ZNF385D: variants seen among roughly 807,000 people sequenced by gnomAD.
ZNF385D encodes the protein zinc finger protein 659.
ZNF385D carries 15 observed loss-of-function variants against 35.8 expected under a neutral mutation model. The observed-to-expected ratio is 0.42, with a 90% confidence interval of 0.28 to 0.64. The LOEUF is 0.64. Ranked by LOEUF, ZNF385D falls within the 30% of genes least tolerant of loss-of-function variation. The pLI, the probability that ZNF385D is intolerant of heterozygous loss-of-function variation, is 0.23. For missense variants in ZNF385D, 474 were observed against 494.6 expected (o/e 0.96, Z 0.39); for synonymous variants, 212 against 186.8 (o/e 1.13, Z -1.10).
chr3:22,136,527 AG>A (rs1360211288), intron 3 of ZNF385D, among the ~76,000 whole-genome samples: 1 of 152,218 alleles, frequency 6.6e-6, no homozygotes, highest in Non-Finnish European at 1.5e-5. Context: ...ATCCATTTTC[AG>A]AATATATAAA....
intron 3 of ZNF385D, among the ~76,000 whole-genome samples, chr3:21,823,681 T>C (rs1260182572): frequency 2.6e-5 from 4 of 152,074 alleles, no homozygotes; most frequent in Non-Finnish European, 2.9e-5. Flanking sequence ...CAAAATTCAA[T>C]AGCAGTATCA....
At chr3:21,835,639 C>G (rs372519818) in intron 3 of ZNF385D, among the ~76,000 whole-genome samples, 4 of 151,870 alleles carry the variant, frequency 2.6e-5, no homozygotes, top group African/African-American at 9.7e-5. Context: ...GGCATGTAGC[C>G]TAAAAGAGGG....
chr3:21,854,631 T>G (rs772115408), intron 3 of ZNF385D, among the ~76,000 whole-genome samples: 1 of 151,926 alleles, frequency 6.6e-6, no homozygotes, highest in African/African-American at 2.4e-5. Flanking sequence ...GCAGCATCTT[T>G]TTGTTGTTGT....
chr3:22,189,300 T>C (rs559013643), intron 2 of ZNF385D, among the ~76,000 whole-genome samples: 2 of 152,238 alleles, frequency 1.3e-5, no homozygotes, highest in South Asian at 2.1e-4. Flanking sequence ...ATGGCATAGA[T>C]AGGAACCATA....
intron 2 of ZNF385D, among the ~76,000 whole-genome samples, chr3:21,590,280 C>A (rs73137035): frequency 0.029 from 4,407 of 152,150 alleles, 145 homozygotes; most frequent in African/African-American, 0.075. Context: ...TATGCTATTT[C>A]ATAATAAAAC....
chr3:21,474,341 A>G (rs1264255719), intron 4 of ZNF385D, among the ~76,000 whole-genome samples: 1 of 152,146 alleles, frequency 6.6e-6, no homozygotes, highest in African/African-American at 2.4e-5. Context: ...CATGAAGACT[A>G]TGTGTCTATA....
chr3:21,857,899 C>A (rs1342256272), intron 3 of ZNF385D, among the ~76,000 whole-genome samples: 3 of 151,798 alleles, frequency 2.0e-5, no homozygotes, highest in Non-Finnish European at 2.9e-5. Flanking sequence ...AGCCATGGAA[C>A]AAATGCAAGG....
intron 3 of ZNF385D, among the ~76,000 whole-genome samples, chr3:22,063,968 C>T (rs532072560): frequency 2.6e-5 from 4 of 152,336 alleles, no homozygotes; most frequent in African/African-American, 9.6e-5. Context: ...ATCCTGAGAG[C>T]ATGCCCCAAT....
At chr3:21,821,208 G>C (rs1194724918) in intron 3 of ZNF385D, among the ~76,000 whole-genome samples, 2 of 151,776 alleles carry the variant, frequency 1.3e-5, no homozygotes, top group African/African-American at 4.8e-5. Context: ...TTACAGAAAA[G>C]TCTCACTCAT....
intron 2 of ZNF385D, among the ~76,000 whole-genome samples, chr3:22,266,917 C>T (rs965392788): frequency 2.6e-5 from 4 of 151,818 alleles, no homozygotes; most frequent in Non-Finnish European, 5.9e-5. Flanking sequence ...GAAAACAAAA[C>T]AAAACAATCT....
chr3:22,312,948 C>T (rs77457591), intron 2 of ZNF385D, among the ~76,000 whole-genome samples: 80,659 of 129,164 alleles, frequency 0.62, 26,178 homozygotes, highest in African/African-American at 0.83. Flanking sequence ...AAGACACATG[C>T]ACACGTATGT....
In ZNF385D at chr3:21,951,469, A is replaced by G. The variant is rs913803592; in HGVS notation, c.325+217348T>C. 1.5e-4 allele frequency among the ~76,000 whole-genome samples: 23 copies of G among 151,708 alleles called. 1 individual carries two copies. The highest frequency in any genetic ancestry group is 1.5e-3 in the Admixed American group (23 of 15,232). ...GGGCTGAGACGATCGGGTATTCTAA[A>G]TAAATATACAATCATGTCATCTGCA... On this transcript the variant is annotated intron_variant, in intron 3 of 5. Transcript: ENST00000494108.
intron 2 of ZNF385D, among the ~76,000 whole-genome samples, chr3:22,223,816 G>A (rs890070993): frequency 1.3e-5 from 2 of 152,134 alleles, no homozygotes; most frequent in Admixed American, 6.5e-5. Context: ...GAAATTATAA[G>A]AGAAGCTCTA....
intron 3 of ZNF385D, among the ~76,000 whole-genome samples, chr3:22,116,929 C>A (rs1239270521): frequency 6.6e-6 from 1 of 151,936 alleles, no homozygotes; most frequent in Non-Finnish European, 1.5e-5. Flanking sequence ...GTGTTTAGGT[C>A]ATTTGGCCAT....
intron 1 of ZNF385D, among the ~76,000 whole-genome samples, chr3:21,718,540 A>G (rs1238573566): frequency 1.3e-5 from 2 of 152,220 alleles, no homozygotes; most frequent in Non-Finnish European, 2.9e-5. Context: ...TAATCCTCTC[A>G]AAAATCCTAC....
chr3:22,086,458 A>C (rs1489115897), intron 3 of ZNF385D, among the ~76,000 whole-genome samples: 4 of 152,192 alleles, frequency 2.6e-5, no homozygotes, highest in Non-Finnish European at 5.9e-5. Context: ...AATTGCTTCA[A>C]AGAGAATAAA....
chr3:22,098,832 T>A (rs1207204932), intron 3 of ZNF385D, among the ~76,000 whole-genome samples: 2 of 152,020 alleles, frequency 1.3e-5, no homozygotes, highest in Non-Finnish European at 2.9e-5. Context: ...GTGATACTGA[T>A]AGAGTAGAAA....
intron 3 of ZNF385D, among the ~76,000 whole-genome samples, chr3:22,011,915 A>C (rs983713791): frequency 1.3e-4 from 20 of 152,156 alleles, no homozygotes; most frequent in African/African-American, 4.3e-4. Context: ...AAACATTTCA[A>C]TAAAAGGGCC....
At chr3:21,852,816 T>C (rs572252885) in intron 3 of ZNF385D, among the ~76,000 whole-genome samples, 51 of 151,978 alleles carry the variant, frequency 3.4e-4, no homozygotes, top group Admixed American at 6.6e-4. Flanking sequence ...GATTAGGATA[T>C]TGAAAAAGAG....
Sources: allele counts gnomAD v4.1 joint callset (sites outside exome capture counted in the v4.1 genomes callset), GRCh38; gene constraint gnomAD v4.1.1; transcripts MANE v1.5; gene names NCBI Gene and HGNC (gene_info 2026-07-23, HGNC 2026-07-21).